TMEM232: variants seen among roughly 807,000 people sequenced by gnomAD.
TMEM232 encodes transmembrane protein 232.
Under a neutral mutation model 78.8 loss-of-function variants are expected in TMEM232, and 80 were observed. That is an observed-to-expected ratio of 1.01 (90% CI 0.85 to 1.22). The LOEUF (loss-of-function observed/expected upper bound fraction) is 1.22, where lower values mean the gene tolerates loss of function less well. Among genes scored for constraint, TMEM232 ranks in the 50% most tolerant of loss-of-function variants. The pLI is 0.00. For missense variants in TMEM232, 881 were observed against 742.2 expected, an observed-to-expected ratio of 1.19 and a Z score of -2.17; for synonymous variants, 297 against 254.3, an observed-to-expected ratio of 1.17 and a Z score of -1.60.
chr5:110,697,759 C>T (rs902113375), intron 1 of TMEM232, among the ~76,000 whole-genome samples: 12 of 152,178 alleles, frequency 7.9e-5, no homozygotes, highest in African/African-American at 2.9e-4. Flanking sequence ...TACCATCTCA[C>T]ACCAGTTAAA....
chr5:110,501,011 T>C (rs1272395175), intron 12 of TMEM232, among the ~76,000 whole-genome samples: 1 of 152,224 alleles, frequency 6.6e-6, no homozygotes, highest in African/African-American at 2.4e-5. Flanking sequence ...CAAAATCTTC[T>C]TCACTTTTTT....
chr5:110,661,686 T>A (rs987730973), intron 2 of TMEM232, among the ~76,000 whole-genome samples: 8 of 152,176 alleles, frequency 5.3e-5, no homozygotes, highest in Non-Finnish European at 1.2e-4. Context: ...TATGGGATGA[T>A]ATGACAATTC....
chr5:110,546,860 A>G (rs1366716493), intron 11 of TMEM232, among the ~76,000 whole-genome samples: 1 of 152,106 alleles, frequency 6.6e-6, no homozygotes, highest in African/African-American at 2.4e-5. Context: ...GGATTTCGGG[A>G]ATTAGCAAGT....
chr5:110,494,074 T>C (rs1159778202), intron 12 of TMEM232, among the ~76,000 whole-genome samples: 2 of 152,068 alleles, frequency 1.3e-5, no homozygotes, highest in African/African-American at 2.4e-5. Context: ...GTTTCACCCA[T>C]GTCCCTGCTA....
chr5:110,628,689 G>A (rs1784732629), intron 5 of TMEM232, among the ~76,000 whole-genome samples: 1 of 143,134 alleles, frequency 7.0e-6, no homozygotes, highest in Admixed American at 6.7e-5. Flanking sequence ...GTGTGTGTGT[G>A]TGTGTGTGTG....
At chr5:110,715,280 T>A (rs1248377368) in intron 1 of TMEM232, among the ~76,000 whole-genome samples, 5 of 151,664 alleles carry the variant, frequency 3.3e-5, no homozygotes, top group Non-Finnish European at 5.9e-5. Flanking sequence ...ATTAAAGAAA[T>A]TATGAAAAAA....
chr5:110,430,834 A>G (rs1031170683), intron 12 of TMEM232, among the ~76,000 whole-genome samples: 1 of 151,804 alleles, frequency 6.6e-6, no homozygotes, highest in Non-Finnish European at 1.5e-5. Context: ...AGAGCCAAAG[A>G]TTATTTTTAA....
At chr5:110,620,332 A>G (rs1319322634) in intron 7 of TMEM232, among the ~76,000 whole-genome samples, 1 of 152,176 alleles carries the variant, frequency 6.6e-6, no homozygotes, top group East Asian at 1.9e-4. Flanking sequence ...AGACCATAAG[A>G]AATAAACAAA....
At chr5:110,578,790 T>C (rs1777847593) in intron 10 of TMEM232, among the ~76,000 whole-genome samples, 1 of 151,860 alleles carries the variant, frequency 6.6e-6, no homozygotes, top group Non-Finnish European at 1.5e-5. Flanking sequence ...TAGGAACAAA[T>C]GGATCAATTC....
intron 12 of TMEM232, among the ~76,000 whole-genome samples, chr5:110,435,830 G>A (rs1758372553): frequency 6.6e-6 from 1 of 151,960 alleles, no homozygotes; most frequent in African/African-American, 2.4e-5. Flanking sequence ...TTGTGTATAA[G>A]AATGATATTT....
At chr5:110,485,394 C>T (rs1325339983) in intron 12 of TMEM232, among the ~76,000 whole-genome samples, 4 of 151,972 alleles carry the variant, frequency 2.6e-5, no homozygotes, top group African/African-American at 9.7e-5. Flanking sequence ...TTTTGGTGCA[C>T]CCATCACCTG....
intron 12 of TMEM232, among the ~76,000 whole-genome samples, chr5:110,452,337 A>G (rs578089600): frequency 1.3e-5 from 2 of 152,292 alleles, no homozygotes; most frequent in East Asian, 3.9e-4. Context: ...TTTTACCTCA[A>G]TACTCCTCTC....
chr5:110,443,959 G>A (rs1158679100), intron 12 of TMEM232, among the ~76,000 whole-genome samples: 1 of 152,172 alleles, frequency 6.6e-6, no homozygotes, highest in Non-Finnish European at 1.5e-5. Context: ...TATGCAAGAT[G>A]CTAGACAAAT....
At chr5:110,513,311 C>A (rs1177188481) in intron 12 of TMEM232, among the ~76,000 whole-genome samples, 1 of 152,104 alleles carries the variant, frequency 6.6e-6, no homozygotes, top group Non-Finnish European at 1.5e-5. Flanking sequence ...AAAAACAAAA[C>A]TTCTGCAAAG....
intron 12 of TMEM232, among the ~76,000 whole-genome samples, chr5:110,455,648 G>C (rs1254577776): frequency 1.3e-5 from 2 of 152,052 alleles, no homozygotes; most frequent in African/African-American, 4.8e-5. Flanking sequence ...AAAATGCTGG[G>C]ATTACAGGCA....
At chr5:110,407,871 A>G (rs1755849450) in intron 2 of TMEM232, among the ~76,000 whole-genome samples, 1 of 152,170 alleles carries the variant, frequency 6.6e-6, no homozygotes, top group African/African-American at 2.4e-5. Context: ...AACCAGAGGG[A>G]CCTTGGAAAA....
chr5:110,685,691 A>G (rs1793311201), intron 1 of TMEM232, among the ~76,000 whole-genome samples: 2 of 152,300 alleles, frequency 1.3e-5, no homozygotes, highest in East Asian at 3.9e-4. Context: ...GACTTGTACA[A>G]GAATGCCTAT....
intron 1 of TMEM232, among the ~76,000 whole-genome samples, chr5:110,709,505 T>A (rs571938438): frequency 1.3e-5 from 2 of 151,906 alleles, no homozygotes; most frequent in Non-Finnish European, 2.9e-5. Context: ...GTCCAAAAAA[T>A]TCAAAAAAAA....
intron 12 of TMEM232, among the ~76,000 whole-genome samples, chr5:110,520,326 A>T (rs983545235): frequency 6.6e-6 from 1 of 152,080 alleles, no homozygotes; most frequent in African/African-American, 2.4e-5. Flanking sequence ...AAATTTAAAA[A>T]GAGGGAATTC....
Sources: gnomAD v4.1 joint callset for allele counts (sites outside exome capture counted in the v4.1 genomes callset) on GRCh38, gnomAD v4.1.1 for gene constraint, MANE v1.5 for transcripts, NCBI Gene and HGNC (gene_info 2026-07-23, HGNC 2026-07-21) for gene names.